The following ANKS1B variants were observed in gnomAD, a reference collection of about 807,000 sequenced individuals.
The protein encoded by ANKS1B is ankyrin repeat and sterile alpha motif domain-containing protein 1B.
In ANKS1B, 36 loss-of-function variants were observed where a neutral mutation model predicts 148.3. The ratio of observed to expected loss-of-function variants is 0.24; its 90% confidence interval spans 0.19 to 0.32. The LOEUF (loss-of-function observed/expected upper bound fraction) is 0.32. ANKS1B is among the 10% of genes least tolerant of loss of function. ANKS1B has a pLI of 1.00. For synonymous variants in ANKS1B, 542 were observed against 560.8 expected, an observed-to-expected ratio of 0.97 and a Z score of 0.47; for missense variants, 1,157 against 1,542.6, an observed-to-expected ratio of 0.75 and a Z score of 4.19.
At chr12:99,499,975 A>T (rs2096639931) in intron 10 of ANKS1B, among the ~76,000 whole-genome samples, 1 of 152,060 alleles carries the variant, frequency 6.6e-6, no homozygotes, top group Non-Finnish European at 1.5e-5. Context: ...GTGCCTGTCA[A>T]GCCAAAAGGG....
At chr12:99,236,249 AGGGATAGTTTGACTTCCTC>A (rs1384216417) in intron 14 of ANKS1B, among the ~76,000 whole-genome samples, 1 of 152,228 alleles carries the variant, frequency 6.6e-6, no homozygotes, top group African/African-American at 2.4e-5. Flanking sequence ...ATCTGCAAAC[AGGGATAGTTTGACTTCCTC>A]TCTTCCTATT....
intron 9 of ANKS1B, among the ~76,000 whole-genome samples, chr12:99,638,242 A>G (rs1047599718): frequency 1.3e-5 from 2 of 152,164 alleles, no homozygotes; most frequent in Non-Finnish European, 2.9e-5. Context: ...GAGGGCCCAG[A>G]AGACAGGAAA....
intron 8 of ANKS1B, among the ~76,000 whole-genome samples, chr12:99,715,610 A>T (rs376019897): frequency 6.6e-6 from 1 of 152,124 alleles, no homozygotes; most frequent in Non-Finnish European, 1.5e-5. Context: ...CGTGACTCGG[A>T]TCAGGGGACC....
At chr12:99,716,309 C>T (rs1299798179) in intron 8 of ANKS1B, among the ~76,000 whole-genome samples, 2 of 151,964 alleles carry the variant, frequency 1.3e-5, no homozygotes, top group Admixed American at 6.6e-5. Context: ...TATCTCTGCA[C>T]CCCAACCCCT....
intron 8 of ANKS1B, among the ~76,000 whole-genome samples, chr12:99,669,001 C>G (rs1231931380): frequency 6.6e-6 from 1 of 152,090 alleles, no homozygotes; most frequent in East Asian, 1.9e-4. Context: ...TTTATATCTA[C>G]ATTTCTCTAT....
intron 17 of ANKS1B, among the ~76,000 whole-genome samples, chr12:98,918,611 A>G (rs1172092660): frequency 6.6e-6 from 1 of 152,176 alleles, no homozygotes; most frequent in African/African-American, 2.4e-5. Flanking sequence ...CTTGGATTAA[A>G]TGGTATGCAC....
At chr12:98,863,239 T>C (rs1184110028) in intron 17 of ANKS1B, among the ~76,000 whole-genome samples, 8 of 152,194 alleles carry the variant, frequency 5.3e-5, no homozygotes, top group Admixed American at 5.2e-4. Context: ...CCATAATGAC[T>C]AATAAAGAGG....
At chr12:99,929,363 ATTTG>A in intron 1 of ANKS1B, among the ~76,000 whole-genome samples, 1 of 152,192 alleles carries the variant, frequency 6.6e-6, no homozygotes, top group South Asian at 2.1e-4. Flanking sequence ...GTTCTTGTAA[ATTTG>A]TTTGAGTTCA....
chr12:99,205,798 C>T (rs1340416253), intron 14 of ANKS1B, among the ~76,000 whole-genome samples: 1 of 152,224 alleles, frequency 6.6e-6, no homozygotes, highest in African/African-American at 2.4e-5. Context: ...TGACTGACAA[C>T]AGTTGCAGTA....
In ANKS1B at chr12:99,178,666, T is replaced by C. The variant is rs570711777; in HGVS notation, c.2420-24271A>G. Among the ~76,000 whole-genome samples the C allele has an allele frequency of 2.2e-4, 34 of 152,374 alleles. No homozygotes were observed. In the South Asian group the frequency reaches 6.8e-3, roughly 31 times the overall value. On this transcript the variant is annotated intron_variant, in intron 14 of 26. Transcript: ENST00000683438. ...CCTATTGTTATTATATTTTTCTGCT[T>C]TGTTCATTATTTATTTTATATCAAA... is the stretch of plus-strand genomic sequence containing the variant.
intron 9 of ANKS1B, among the ~76,000 whole-genome samples, chr12:99,600,951 T>G (rs2097795328): frequency 6.6e-6 from 1 of 152,052 alleles, no homozygotes; most frequent in Admixed American, 6.6e-5. Flanking sequence ...ACCCAGAAAG[T>G]CTTCCCTTTC....
chr12:99,149,060 A>G (rs1273664009), intron 15 of ANKS1B, among the ~76,000 whole-genome samples: 2 of 150,460 alleles, frequency 1.3e-5, no homozygotes, highest in Non-Finnish European at 3.0e-5. Context: ...ACAAGAAATT[A>G]TCACGGGGGG....
At chr12:99,050,708 T>TTTTTTC (rs2099965405) in intron 17 of ANKS1B, among the ~76,000 whole-genome samples, 1 of 149,136 alleles carries the variant, frequency 6.7e-6, no homozygotes, top group Non-Finnish European at 1.5e-5. Flanking sequence ...TTTTTTTTTT[T>TTTTTTC]TGAGACAGAG....
At chr12:98,917,609 T>C (rs149851) in intron 17 of ANKS1B, among the ~76,000 whole-genome samples, 21,167 of 152,244 alleles carry the variant, frequency 0.14, 1,835 homozygotes, top group African/African-American at 0.23. Flanking sequence ...TTTTATTTTG[T>C]ATCAGCTGAA....
intron 17 of ANKS1B, among the ~76,000 whole-genome samples, chr12:98,878,604 G>A (rs2099698092): frequency 3.3e-5 from 5 of 152,128 alleles, no homozygotes; most frequent in Admixed American, 2.6e-4. Flanking sequence ...TAAACGTGTG[G>A]GGAAGATGGG....
chr12:98,836,277 T>C (rs2099362461), intron 17 of ANKS1B, among the ~76,000 whole-genome samples: 1 of 152,208 alleles, frequency 6.6e-6, no homozygotes, highest in South Asian at 2.1e-4. Context: ...TTAAAATAAT[T>C]CACTTTTTAG....
chr12:99,273,422 C>T (rs372573284), intron 12 of ANKS1B, among the ~76,000 whole-genome samples: 320 of 152,210 alleles, frequency 2.1e-3, no homozygotes, highest in African/African-American at 7.0e-3. Context: ...TGACATAAGT[C>T]TTTGTCTACC....
chr12:98,985,672 T>G (rs1272779782), intron 17 of ANKS1B, among the ~76,000 whole-genome samples: 1 of 152,088 alleles, frequency 6.6e-6, no homozygotes, highest in African/African-American at 2.4e-5. Context: ...ATCCTTTGAA[T>G]GATACTATTG....
At chr12:98,934,073 T>C (rs1018162560) in intron 17 of ANKS1B, among the ~76,000 whole-genome samples, 2 of 152,156 alleles carry the variant, frequency 1.3e-5, no homozygotes, top group Non-Finnish European at 2.9e-5. Flanking sequence ...CATGAAATCA[T>C]GGCCAAGACG....
Sources: allele counts gnomAD v4.1 joint callset (sites outside exome capture counted in the v4.1 genomes callset), GRCh38; gene constraint gnomAD v4.1.1; transcripts MANE v1.5; gene names NCBI Gene and HGNC (gene_info 2026-07-23, HGNC 2026-07-21).